The following DSCAM variants were observed in gnomAD, a reference collection of about 807,000 sequenced individuals.
DSCAM encodes the protein cell adhesion molecule DSCAM.
Under a neutral mutation model 217.7 loss-of-function variants are expected in DSCAM, and 47 were observed. That is an observed-to-expected ratio of 0.22 (90% CI 0.17 to 0.28). DSCAM has a LOEUF of 0.28. Among genes scored for constraint, DSCAM ranks in the 10% least tolerant of loss-of-function variants. DSCAM has a pLI of 1.00. For missense variants in DSCAM, 2,080 were observed against 2,618.3 expected (o/e 0.79, Z 4.49); for synonymous variants, 1,056 against 1,015.3 (o/e 1.04, Z -0.76).
intron 1 of DSCAM, among the ~76,000 whole-genome samples, chr21:40,709,064 C>T (rs1325201273): frequency 1.3e-5 from 2 of 152,212 alleles, no homozygotes; most frequent in African/African-American, 2.4e-5. Context: ...TCTCCCCACA[C>T]TGACCACCAT....
At chr21:40,062,921 T>C in intron 27 of DSCAM, 22 bp from the exon 28 acceptor site, 1 of 1,588,106 alleles carries the variant, frequency 6.3e-7, no homozygotes, top group Non-Finnish European at 8.5e-7. Flanking sequence ...AAGTTAACAT[T>C]AGTACATGGT....
At chr21:40,187,849 T>C in intron 13 of DSCAM, 42 bp downstream of exon 13, 1 of 1,544,684 alleles carries the variant, frequency 6.5e-7, no homozygotes, top group Non-Finnish European at 9.0e-7. Flanking sequence ...GCTCCCATCC[T>C]GAAATGACTG....
chr21:40,535,759 CTG>C (rs1306493278), intron 3 of DSCAM, among the ~76,000 whole-genome samples: 1 of 152,118 alleles, frequency 6.6e-6, no homozygotes, highest in African/African-American at 2.4e-5. Flanking sequence ...GGTTGTGAGA[CTG>C]TAGAGAGACG....
chr21:40,442,143 A>G (rs2075636007), intron 3 of DSCAM, among the ~76,000 whole-genome samples: 1 of 152,192 alleles, frequency 6.6e-6, no homozygotes, highest in Admixed American at 6.5e-5. Context: ...GTTTCTTAGT[A>G]CAGAAAGTAA....
At chr21:40,757,093 C>T (rs534949546) in intron 1 of DSCAM, among the ~76,000 whole-genome samples, 12 of 152,062 alleles carry the variant, frequency 7.9e-5, no homozygotes, top group African/African-American at 2.4e-4. Flanking sequence ...GGCATGATCT[C>T]GGCTCACTGC....
chr21:40,842,366 G>C (rs1213102290), intron 1 of DSCAM, among the ~76,000 whole-genome samples: 1 of 152,200 alleles, frequency 6.6e-6, no homozygotes, highest in African/African-American at 2.4e-5. Flanking sequence ...AAATACTATT[G>C]AATGCACTGC....
At chr21:40,350,630 A>G (rs2074619285) in intron 5 of DSCAM, among the ~76,000 whole-genome samples, 1 of 152,132 alleles carries the variant, frequency 6.6e-6, no homozygotes, top group African/African-American at 2.4e-5. Context: ...GAGACATAGC[A>G]CATGTGGAGG....
At chr21:40,544,852 G>C (rs1324616876) in intron 3 of DSCAM, among the ~76,000 whole-genome samples, 2 of 151,386 alleles carry the variant, frequency 1.3e-5, no homozygotes, top group African/African-American at 4.9e-5. Flanking sequence ...AATTGAACTT[G>C]CGTCACTTTT....
chr21:40,663,904 G>C (rs1601832026), intron 3 of DSCAM, among the ~76,000 whole-genome samples: 4 of 152,156 alleles, frequency 2.6e-5, no homozygotes, highest in Admixed American at 2.0e-4. Flanking sequence ...TTGCAATCAA[G>C]AGTTCTGAAT....
intron 4 of DSCAM, among the ~76,000 whole-genome samples, chr21:40,362,731 A>G (rs938630621): frequency 6.6e-6 from 1 of 152,188 alleles, no homozygotes; most frequent in East Asian, 1.9e-4. Flanking sequence ...ATCTGTTATC[A>G]GAATGAAGAG....
chr21:40,668,545 G>C (rs912042837), intron 3 of DSCAM, among the ~76,000 whole-genome samples: 1 of 152,130 alleles, frequency 6.6e-6, no homozygotes, highest in Non-Finnish European at 1.5e-5. Context: ...TACCAGCCTT[G>C]GACCAGCAGA....
chr21:40,650,019 G>A (rs1189251423), intron 3 of DSCAM, among the ~76,000 whole-genome samples: 1 of 152,162 alleles, frequency 6.6e-6, no homozygotes, highest in Non-Finnish European at 1.5e-5. Context: ...AGGTCATAAG[G>A]CTGTGACCGA....
intron 3 of DSCAM, among the ~76,000 whole-genome samples, chr21:40,425,701 T>C (rs909127912): frequency 2.6e-5 from 4 of 151,362 alleles, no homozygotes; most frequent in African/African-American, 4.8e-5. Context: ...CTCTTCCTTG[T>C]TCATTTCATA....
intron 3 of DSCAM, among the ~76,000 whole-genome samples, chr21:40,482,210 C>T (rs962008989): frequency 5.3e-5 from 8 of 152,148 alleles, no homozygotes; most frequent in Non-Finnish European, 2.9e-5. Context: ...CATTTCTTCC[C>T]TACATTTCAT....
intron 18 of DSCAM, among the ~76,000 whole-genome samples, chr21:40,139,535 C>A (rs2090262890): frequency 6.6e-6 from 1 of 152,048 alleles, no homozygotes; most frequent in Admixed American, 6.5e-5. Flanking sequence ...TCTCAGTGAG[C>A]AGAGGGGTGA....
chr21:40,811,004 T>C (rs1450315177), intron 1 of DSCAM, among the ~76,000 whole-genome samples: 1 of 152,224 alleles, frequency 6.6e-6, no homozygotes, highest in Non-Finnish European at 1.5e-5. Context: ...GTATAGGAGA[T>C]ACTCAGTGAA....
chr21:40,185,768 C>A (rs1022993503), intron 14 of DSCAM, among the ~76,000 whole-genome samples: 7 of 151,772 alleles, frequency 4.6e-5, no homozygotes, highest in Non-Finnish European at 8.8e-5. Flanking sequence ...CCTCCCTGGG[C>A]CCTTGGGAAA....
At chr21:40,386,916 T>C (rs541143866) in intron 3 of DSCAM, among the ~76,000 whole-genome samples, 136 of 152,350 alleles carry the variant, frequency 8.9e-4, no homozygotes, top group Non-Finnish European at 1.5e-3. Flanking sequence ...GATTAAGTTT[T>C]GGTCATTTCT....
At chr21:40,786,866 C>A (rs556639388) in intron 1 of DSCAM, among the ~76,000 whole-genome samples, 4 of 152,116 alleles carry the variant, frequency 2.6e-5, no homozygotes, top group African/African-American at 9.7e-5. Context: ...ATCAGTCAGT[C>A]CCCAAAATTT....
Sources: allele counts gnomAD v4.1 joint callset (sites outside exome capture counted in the v4.1 genomes callset), GRCh38; gene constraint gnomAD v4.1.1; transcripts MANE v1.5; gene names NCBI Gene and HGNC (gene_info 2026-07-23, HGNC 2026-07-21).